The following KCNJ4 variants were observed in gnomAD, a reference collection of about 807,000 sequenced individuals.
The protein encoded by KCNJ4 is potassium inwardly rectifying channel subfamily J member 4.
In KCNJ4, 3 loss-of-function variants were observed where a neutral mutation model predicts 25.6. The ratio of observed to expected loss-of-function variants is 0.12; its 90% CI spans 0.05 to 0.30. The LOEUF (loss-of-function observed/expected upper bound fraction) is 0.30. KCNJ4 is among the 10% of genes least tolerant of loss of function. The pLI is 1.00. For missense variants in KCNJ4, 286 were observed against 666.8 expected (o/e 0.43, Z 6.29); for synonymous variants, 257 against 283.9 (o/e 0.91, Z 0.95).
rs1170288656 is a variant in KCNJ4 at position 38,449,257 on chromosome 22, CT to C, written c.-40+5722del. On this transcript the variant is annotated intron_variant, in intron 1 of 1. Transcript: ENST00000303592. The surrounding 1 kb of genome is among the most constrained non-coding windows in gnomAD (Gnocchi z 5.2). ...AATGAGGGTCCTGGAGGGGCTGGCACTGGGTGCACAGTAGGACAAAGCATCT... is the reference window on the plus strand; with the variant it reads ...AATGAGGGTCCTGGAGGGGCTGGCACGGGTGCACAGTAGGACAAAGCATCT... Among the ~76,000 whole-genome samples, 4 of 152,186 alleles carry C rather than the reference CT, an allele frequency of 2.6e-5. No individual in the cohort carries two copies. Among genetic ancestry groups the C allele is most frequent in the Non-Finnish European group, 5.9e-5 (4 of 68,016 alleles).
intron 1 of KCNJ4, among the ~76,000 whole-genome samples, chr22:38,446,166 G>C (rs1337209306): frequency 4.6e-5 from 7 of 152,242 alleles, no homozygotes; most frequent in African/African-American, 1.7e-4. Flanking sequence ...TGAGGAGTAA[G>C]CTCTGCCGGG....
At position 38,426,751 on chromosome 22, in the gene KCNJ4, CG is replaced by C; in HGVS notation, c.*43del. On this transcript the variant is annotated 3_prime_UTR_variant, in exon 2 of 2. Transcript: ENST00000303592. ...AGGGGGTGTCCTGGCATCCCACCCC[CG>C]GCAGAGGCTCTTGTGGGCAGTGGTG... 6.4e-7 allele frequency: 1 copy of C among 1,559,546 alleles called. No homozygotes were observed. The highest frequency in any genetic ancestry group is 8.7e-7 in the Non-Finnish European group (1 of 1,150,240).
chr22:38,428,315 G>A (rs2093039377), intron 1 of KCNJ4, 144 bp from the exon 2 acceptor site: 6 of 764,000 alleles, frequency 7.9e-6, no homozygotes, highest in Middle Eastern at 3.9e-4. Flanking sequence ...GCGGAGGGTG[G>A]CAGCAGAGGT....
At chr22:38,431,332 A>G (rs2093049094) in intron 1 of KCNJ4, among the ~76,000 whole-genome samples, 1 of 152,142 alleles carries the variant, frequency 6.6e-6, no homozygotes, top group Non-Finnish European at 1.5e-5. Context: ...TCCCCTCGCC[A>G]GCAGTGCCCA....
At chr22:38,434,777 C>T (rs1288454346) in intron 1 of KCNJ4, among the ~76,000 whole-genome samples, 1 of 152,190 alleles carries the variant, frequency 6.6e-6, no homozygotes, top group Non-Finnish European at 1.5e-5. Flanking sequence ...AGAAAATGTG[C>T]TGGTTAAACC....
chr22:38,452,935 A>C (rs2089418728), intron 1 of KCNJ4, among the ~76,000 whole-genome samples: 1 of 128,378 alleles, frequency 7.8e-6, no homozygotes, highest in South Asian at 2.5e-4. Context: ...TTTCCTGGTT[A>C]CCATGTTGCC....
chr22:38,452,121 A>T (rs2089413429), intron 1 of KCNJ4, among the ~76,000 whole-genome samples: 1 of 152,202 alleles, frequency 6.6e-6, no homozygotes, highest in Non-Finnish European at 1.5e-5. Context: ...AAGGTCACAG[A>T]GGGTGATTTG....
At chr22:38,432,074 T>G (rs2093051524) in intron 1 of KCNJ4, among the ~76,000 whole-genome samples, 1 of 151,366 alleles carries the variant, frequency 6.6e-6, no homozygotes, top group Non-Finnish European at 1.5e-5. Flanking sequence ...GCCAACTTGG[T>G]GAAAGCCTGT....
In KCNJ4 at chr22:38,449,587, C is replaced by T. The variant is rs377628127; in HGVS notation, c.-40+5393G>A. Among the ~76,000 whole-genome samples the T allele has an allele frequency of 1.3e-5, 2 of 152,158 alleles. No individual in the cohort carries two copies. The highest frequency in any genetic ancestry group is 2.9e-5 in the Non-Finnish European group (2 of 68,018). On this transcript the variant is annotated intron_variant, in intron 1 of 1. Coordinates refer to ENST00000303592, the MANE Select transcript of KCNJ4 (RefSeq NM_152868.3). The surrounding 1 kb of genome is among the most constrained non-coding windows in gnomAD (Gnocchi z 5.2). ...GCACGCGCAGGCTGAAAGGGGGCTG[C>T]GAGCAGGTGGGGCAACGGGTGCAGA...
At chr22:38,433,789 C>A (rs777268230) in intron 1 of KCNJ4, among the ~76,000 whole-genome samples, 18 of 152,222 alleles carry the variant, frequency 1.2e-4, no homozygotes, top group Non-Finnish European at 2.2e-4. Context: ...TGACACCAGC[C>A]ATCCTGCCCC....
chr22:38,447,943 A>G, intron 1 of KCNJ4, among the ~76,000 whole-genome samples: 1 of 151,920 alleles, frequency 6.6e-6, no homozygotes, highest in East Asian at 1.9e-4. Flanking sequence ...ACACGCCTGT[A>G]GTCCCAGCTA....
intron 1 of KCNJ4, 59 bp downstream of exon 1, chr22:38,454,921 A>ACACG: frequency 6.6e-6 from 1 of 151,676 alleles, no homozygotes; most frequent in South Asian, 2.1e-4. Context: ...GGACACACAG[A>ACACG]CACGCACGCG....
chr22:38,441,759 G>A (rs2089336135), intron 1 of KCNJ4, among the ~76,000 whole-genome samples: 1 of 152,138 alleles, frequency 6.6e-6, no homozygotes, highest in Non-Finnish European at 1.5e-5. Context: ...CGCCTCCTGG[G>A]CCCTCCTGGG....
intron 1 of KCNJ4, among the ~76,000 whole-genome samples, chr22:38,438,168 G>C (rs1273244326): frequency 2.0e-5 from 3 of 150,436 alleles, no homozygotes; most frequent in African/African-American, 4.9e-5. Flanking sequence ...GAACCTGGGA[G>C]GGGGGAGGTT....
At chr22:38,438,214 T>G in intron 1 of KCNJ4, among the ~76,000 whole-genome samples, 1 of 114,712 alleles carries the variant, frequency 8.7e-6, no homozygotes, top group African/African-American at 3.6e-5. Context: ...CATTCCAGCC[T>G]GGGCGACAGA....
intron 1 of KCNJ4, among the ~76,000 whole-genome samples, chr22:38,437,189 G>A (rs2093067875): frequency 6.6e-6 from 1 of 152,238 alleles, no homozygotes; most frequent in African/African-American, 2.4e-5. Flanking sequence ...CGAATGTGGG[G>A]CGGGGGAGCA....
intron 1 of KCNJ4, among the ~76,000 whole-genome samples, chr22:38,436,382 G>T (rs1210437405): frequency 2.0e-5 from 3 of 152,192 alleles, no homozygotes; most frequent in Non-Finnish European, 2.9e-5. Context: ...CTAGGGAGCT[G>T]GTGGGCAAGA....
At chr22:38,434,612 C>T (rs1237966213) in intron 1 of KCNJ4, among the ~76,000 whole-genome samples, 2 of 152,026 alleles carry the variant, frequency 1.3e-5, no homozygotes, top group Non-Finnish European at 2.9e-5. Flanking sequence ...GCTTCGGGAC[C>T]CCTTCTCCTG....
chr22:38,448,156 G>C (rs1026490680), intron 1 of KCNJ4, among the ~76,000 whole-genome samples: 1 of 150,952 alleles, frequency 6.6e-6, no homozygotes, highest in African/African-American at 2.4e-5. Flanking sequence ...TGAGGCAGGA[G>C]AATCGCTTGA....
Sources: allele counts gnomAD v4.1 joint callset (sites outside exome capture counted in the v4.1 genomes callset), GRCh38; gene constraint gnomAD v4.1.1; non-coding constraint Gnocchi (gnomAD v3.1); transcripts MANE v1.5; gene names NCBI Gene and HGNC (gene_info 2026-07-23, HGNC 2026-07-21).